The following PPM1H variants were observed in gnomAD, a reference collection of about 807,000 sequenced individuals.
PPM1H encodes the protein protein phosphatase, Mg2+/Mn2+ dependent 1H.
In PPM1H, 27 loss-of-function variants were observed where a neutral mutation model predicts 54.9. The ratio of observed to expected loss-of-function variants is 0.49; its 90% CI spans 0.36 to 0.68. PPM1H has a LOEUF of 0.68. Ranked by LOEUF, PPM1H falls within the 30% of genes least tolerant of loss-of-function variation. The pLI, the probability that PPM1H is intolerant of heterozygous loss-of-function variation, is 0.00. For missense variants in PPM1H, 596 were observed against 667.8 expected, an observed-to-expected ratio of 0.89 and a Z score of 1.19; for synonymous variants, 305 against 270.8, an observed-to-expected ratio of 1.13 and a Z score of -1.24.
intron 5 of PPM1H, among the ~76,000 whole-genome samples, chr12:62,727,637 A>ATATTATTAATAT (rs1555192230): frequency 7.2e-6 from 1 of 139,814 alleles, no homozygotes; most frequent in Non-Finnish European, 1.5e-5. Flanking sequence ...TAAAATGCAA[A>ATATTATTAATAT]TATTATTATT....
intron 6 of PPM1H, among the ~76,000 whole-genome samples, chr12:62,707,304 C>T (rs542504179): frequency 6.6e-6 from 1 of 152,306 alleles, no homozygotes; most frequent in African/African-American, 2.4e-5. Context: ...TTTACCATCC[C>T]TTATCAGCCA....
chr12:62,832,076 CT>C, intron 2 of PPM1H, 37 bp downstream of exon 2: 2 of 1,603,446 alleles, frequency 1.2e-6, no homozygotes, highest in Non-Finnish European at 1.7e-6. Context: ...GTGTGCCATT[CT>C]TCTCACCTGA....
chr12:62,753,283 T>A (rs1017036918), intron 4 of PPM1H, among the ~76,000 whole-genome samples: 1 of 152,186 alleles, frequency 6.6e-6, no homozygotes. Flanking sequence ...TCTACAACAT[T>A]TCCTATGGAA....
At chr12:62,807,906 C>T (rs1318178680) in intron 2 of PPM1H, among the ~76,000 whole-genome samples, 3 of 152,206 alleles carry the variant, frequency 2.0e-5, no homozygotes, top group East Asian at 3.8e-4. Flanking sequence ...GGCACAACCA[C>T]GACTTACTGA....
At chr12:62,715,501 G>T (rs563135128) in intron 6 of PPM1H, among the ~76,000 whole-genome samples, 51 of 152,228 alleles carry the variant, frequency 3.4e-4, no homozygotes, top group African/African-American at 1.2e-3. Context: ...TGAAGGTCCT[G>T]GTGACAATAA....
chr12:62,689,552 T>A, intron 8 of PPM1H, 147 bp downstream of exon 8: 2 of 589,792 alleles, frequency 3.4e-6, no homozygotes. Flanking sequence ...GAGAATGGAG[T>A]GGGAAAAAGA....
chr12:62,709,306 A>G (rs11174616), intron 6 of PPM1H, among the ~76,000 whole-genome samples: 5,895 of 152,252 alleles, frequency 0.039, 202 homozygotes, highest in East Asian at 0.14. Context: ...AGAATCCCCA[A>G]GAGGTAACAG....
intron 1 of PPM1H, among the ~76,000 whole-genome samples, chr12:62,860,131 A>G (rs183187359): frequency 1.7e-4 from 26 of 152,294 alleles, no homozygotes; most frequent in African/African-American, 6.3e-4. Context: ...ATCGAGTCAG[A>G]AGGAGAAGCA....
chr12:62,851,186 T>C (rs1172386358), intron 1 of PPM1H, among the ~76,000 whole-genome samples: 2 of 152,102 alleles, frequency 1.3e-5, no homozygotes, highest in African/African-American at 4.8e-5. Flanking sequence ...TGATTCCAGA[T>C]ACGAGACAGT....
intron 2 of PPM1H, among the ~76,000 whole-genome samples, chr12:62,819,130 CTT>C (rs34661742): frequency 1.6e-4 from 18 of 113,768 alleles, no homozygotes; most frequent in African/African-American, 2.5e-4. Context: ...CAAAACATTG[CTT>C]TTTTTTTTTT....
intron 1 of PPM1H, among the ~76,000 whole-genome samples, chr12:62,902,358 T>TAAC (rs1479847775): frequency 6.6e-6 from 1 of 150,440 alleles, no homozygotes; most frequent in Non-Finnish European, 1.5e-5. Context: ...CAACTCAAAA[T>TAAC]AATAATAATA....
At chr12:62,798,930 C>T (rs2076751061) in intron 3 of PPM1H, among the ~76,000 whole-genome samples, 1 of 152,204 alleles carries the variant, frequency 6.6e-6, no homozygotes, top group African/African-American at 2.4e-5. Flanking sequence ...CTTTACCAGA[C>T]TCCTGCATCA....
intron 1 of PPM1H, among the ~76,000 whole-genome samples, chr12:62,909,422 AT>A (rs1871391467): frequency 6.6e-6 from 1 of 151,614 alleles, no homozygotes; most frequent in South Asian, 2.1e-4. Flanking sequence ...CTGGACCCTC[AT>A]TTCCTATCTC....
At chr12:62,933,450 G>A (rs561857804) in intron 1 of PPM1H, among the ~76,000 whole-genome samples, 1 of 152,118 alleles carries the variant, frequency 6.6e-6, no homozygotes. Flanking sequence ...CAGCGAGGCC[G>A]TGCACGGATA....
In PPM1H at chr12:62,667,306, T is replaced by C. The variant is rs1347119431; in HGVS notation, c.1269A>G (p.Lys423=). The change falls in exon 9 of 10, where the codon AAA becomes AAG. Residue 423 remains lysine, a synonymous_variant. Coordinates refer to ENST00000228705, the MANE Select transcript of PPM1H (RefSeq NM_020700.2). ...APEVRIYDLS[K]YDHGSDDVLI... is the part of the protein sequence containing the mutation. ...GCACATCATCTGATCCATGATCATATTTTGAAAGATCGTAGATTCTTACCT... is the reference window on the plus strand; with the variant it reads ...GCACATCATCTGATCCATGATCATACTTTGAAAGATCGTAGATTCTTACCT... 12 of 1,602,026 alleles carry C rather than the reference T, an allele frequency of 7.5e-6. No homozygotes were observed. Among genetic ancestry groups the C allele is most frequent in the Non-Finnish European group, 1.0e-5 (12 of 1,173,608 alleles).
rs1408504524 is a variant in PPM1H, at chr12:62,931,689, G to A, written c.245+2803C>T. On this transcript the variant is annotated intron_variant, in intron 1 of 9. Transcript: ENST00000228705. The stretch of plus-strand genomic sequence containing the variant: ...GGGTTCACACACAGGCTTGACCCTG[G>A]GCAAGTTGCTTAATCACTCAGTGCT... 3.3e-5 allele frequency among the ~76,000 whole-genome samples: 5 copies of A among 152,230 alleles called. No individual in the cohort carries two copies. The East Asian group carries it at 7.7e-4, about 24-fold the overall frequency.
intron 1 of PPM1H, among the ~76,000 whole-genome samples, chr12:62,870,268 T>C (rs926959126): frequency 1.3e-5 from 2 of 152,100 alleles, no homozygotes; most frequent in Non-Finnish European, 2.9e-5. Flanking sequence ...TTGACGAAAT[T>C]GTGCACTAGT....
intron 1 of PPM1H, among the ~76,000 whole-genome samples, chr12:62,867,065 T>A (rs1165167590): frequency 6.6e-6 from 1 of 151,880 alleles, no homozygotes; most frequent in Non-Finnish European, 1.5e-5. Context: ...CCCAGAAAAA[T>A]GTACCAAAAA....
At chr12:62,915,433 G>C (rs1386527616) in intron 1 of PPM1H, among the ~76,000 whole-genome samples, 2 of 152,242 alleles carry the variant, frequency 1.3e-5, no homozygotes, top group African/African-American at 4.8e-5. Flanking sequence ...AGCTGCAGCA[G>C]AGTTTGTGCA....
Sources: gnomAD v4.1 joint callset for allele counts (sites outside exome capture counted in the v4.1 genomes callset) on GRCh38, gnomAD v4.1.1 for gene constraint, MANE v1.5 for transcripts, NCBI Gene and HGNC (gene_info 2026-07-23, HGNC 2026-07-21) for gene names.